The following STIM1 variants were observed in gnomAD, a reference collection of about 807,000 sequenced individuals.
STIM1 encodes the protein stromal interaction molecule 1.
STIM1 carries 25 observed loss-of-function variants against 74.7 expected under a neutral mutation model. The observed-to-expected ratio is 0.33, with a 90% CI of 0.24 to 0.47. The LOEUF is 0.47. STIM1 is among the 20% of genes least tolerant of loss of function. STIM1 has a pLI of 1.00. For missense variants in STIM1, 728 were observed against 920.8 expected, an observed-to-expected ratio of 0.79 and a Z score of 2.71; for synonymous variants, 328 against 348.8, an observed-to-expected ratio of 0.94 and a Z score of 0.66.
chr11:4,043,630 T>C (rs1171529604), intron 3 of STIM1, among the ~76,000 whole-genome samples: 3 of 152,242 alleles, frequency 2.0e-5, no homozygotes, highest in Non-Finnish European at 2.9e-5. Context: ...ATCTATCTAA[T>C]GTTAGTAAAT....
At chr11:3,866,429 C>CTT (rs375183049) in intron 1 of STIM1, among the ~76,000 whole-genome samples, 135 of 136,770 alleles carry the variant, frequency 9.9e-4, no homozygotes, top group South Asian at 4.5e-3. Context: ...CTTGCTATGT[C>CTT]TTTTTTTTTT....
In STIM1 at chr11:4,091,509, T is replaced by C. The variant is rs753563618; in HGVS notation, c.1862T>C (p.Leu621Pro). ...KKALLALNHGLDKAHSLMELS... is the reference protein window; with the variant it reads ...KKALLALNHGPDKAHSLMELS... Reference sequence around the variant, plus strand: ...GCATTACTGGCGCTGAACCATGGGCTGGACAAGGCCCACAGCCTGATGGAG... The same window carrying C: ...GCATTACTGGCGCTGAACCATGGGCCGGACAAGGCCCACAGCCTGATGGAG... Residue 621 changes from leucine to proline, a missense_variant, in exon 13 of 13, where the codon CTG becomes CCG. By Grantham distance (98) the Leu-to-Pro change is moderately conservative. Transcript: ENST00000526596. 1.2e-6 allele frequency: 2 copies of C among 1,614,188 alleles called. No individual in the cohort carries two copies. Among genetic ancestry groups the C allele is most frequent in the South Asian group, 2.2e-5 (2 of 91,082 alleles).
intron 1 of STIM1, among the ~76,000 whole-genome samples, chr11:3,868,829 C>T (rs7126870): frequency 0.55 from 83,418 of 152,030 alleles, 23,533 homozygotes; most frequent in African/African-American, 0.68. Flanking sequence ...TTTATCTCTT[C>T]AGTCAACATT....
rs1277696722 is a variant in STIM1 at position 4,055,512 on chromosome 11, G to C, written c.386-14G>C. 5.1e-6 allele frequency: 8 copies of C among 1,576,402 alleles called. No homozygotes were observed. The highest frequency in any genetic ancestry group is 6.9e-6 in the Non-Finnish European group (8 of 1,158,784). ...GCATTCTAGAGTCATGGCTTTGCTT[G>C]TCTCTTTTCACAGTATACAATTGGA... On this transcript the variant is annotated splice_polypyrimidine_tract_variant and intron_variant, in intron 3 of 12. Coordinates refer to ENST00000526596, the MANE Select transcript of STIM1 (RefSeq NM_001382567.1).
chr11:3,951,077 G>A (rs924458684), intron 1 of STIM1, among the ~76,000 whole-genome samples: 7 of 152,182 alleles, frequency 4.6e-5, no homozygotes, highest in Non-Finnish European at 8.8e-5. Flanking sequence ...TAGAGGTATC[G>A]CCCTCAGAAA....
intron 1 of STIM1, among the ~76,000 whole-genome samples, chr11:3,903,961 G>A (rs1307299346): frequency 6.6e-6 from 1 of 152,156 alleles, no homozygotes; most frequent in African/African-American, 2.4e-5. Flanking sequence ...CACTTTGGGA[G>A]GCTGAGGCGG....
chr11:3,980,116 C>T (rs1043997864), intron 2 of STIM1, among the ~76,000 whole-genome samples: 5 of 152,142 alleles, frequency 3.3e-5, no homozygotes, highest in Non-Finnish European at 7.3e-5. Flanking sequence ...CTTTGTGTTC[C>T]TGCACTAATA....
rs1439116217 is a variant in STIM1 at position 4,055,557 on chromosome 11, G to A, written c.417G>A (p.Gln139=). ...VYNWTVDEVV[Q]WLITYVELPQ... ...ATTGGACCGTGGATGAGGTGGTACA[G>A]TGGCTGATCACATATGTGGAGCTGC... is the stretch of plus-strand genomic sequence containing the variant. The change falls in exon 4 of 13, where the codon CAG becomes CAA. Residue 139 remains glutamine (Q), a synonymous_variant. Coordinates refer to ENST00000526596, the MANE Select transcript of STIM1 (RefSeq NM_001382567.1). 6.2e-7 allele frequency: 1 copy of A among 1,601,424 alleles called. No homozygotes were observed. The highest frequency in any genetic ancestry group is 1.1e-5 in the South Asian group (1 of 88,324).
At position 3,869,507 on chromosome 11, in the gene STIM1, T is replaced by G. The variant is rs977649836; in HGVS notation, c.139+13098T>G. Among the ~76,000 whole-genome samples the G allele has an allele frequency of 4.6e-5, 7 of 152,274 alleles. No homozygotes were observed. The East Asian group carries it at 1.2e-3, about 25-fold the overall frequency. On this transcript the variant is annotated intron_variant, in intron 1 of 12. Coordinates refer to ENST00000526596, the MANE Select transcript of STIM1 (RefSeq NM_001382567.1). ...TCTTCAGATACTTCAGGTAGAAATATAAGGGAATTTGTGGGAAGTATTCCA... is the reference window on the plus strand; with the variant it reads ...TCTTCAGATACTTCAGGTAGAAATAGAAGGGAATTTGTGGGAAGTATTCCA...
Position 3,858,214 on chromosome 11 carries a change from T to C in STIM1, c.139+1805T>C, listed in dbSNP as rs1425112147. Among the ~76,000 whole-genome samples, 3 of 152,174 alleles carry C rather than the reference T, an allele frequency of 2.0e-5. No individual in the cohort carries two copies. In the East Asian group the frequency reaches 5.8e-4, roughly 29 times the overall value. On this transcript the variant is annotated intron_variant, in intron 1 of 12. Coordinates refer to ENST00000526596, the MANE Select transcript of STIM1 (RefSeq NM_001382567.1). ...AGGGATGAAATTTTGAATGTAGACA[T>C]TGGCTGGCTATTAGGAAGGTTTTTT...
chr11:4,083,391 T>C lies in STIM1; in HGVS notation c.1367T>C (p.Ile456Thr), dbSNP rs371655991. The change falls in exon 10 of 13, where the codon ATA becomes ACA. Residue 456 changes from isoleucine (I) to threonine (T), a missense_variant. Transcript: ENST00000526596. ...CACTCACTGGTGGCTGCCCTCAACA[T>C]AGACCCCAGCTGGATGGGCAGTACA... ...GIHSLVAALN[I>T]DPSWMGSTRP... 3 of 1,614,246 alleles carry C rather than the reference T, an allele frequency of 1.9e-6. No homozygotes were observed. Among genetic ancestry groups the C allele is most frequent in the Non-Finnish European group, 2.5e-6 (3 of 1,180,048 alleles).
chr11:3,922,940 A>G (rs777174749), intron 1 of STIM1, among the ~76,000 whole-genome samples: 2 of 152,016 alleles, frequency 1.3e-5, no homozygotes, highest in Non-Finnish European at 2.9e-5. Flanking sequence ...TCTACTAAAA[A>G]TACAAAAAAT....
chr11:3,884,481 C>T (rs1274630085), intron 1 of STIM1, among the ~76,000 whole-genome samples: 2 of 152,150 alleles, frequency 1.3e-5, no homozygotes, highest in African/African-American at 2.4e-5. Context: ...GCCTGGGACA[C>T]TGACTTATGC....
chr11:3,999,947 C>T (rs372961556), intron 2 of STIM1, among the ~76,000 whole-genome samples: 14 of 152,252 alleles, frequency 9.2e-5, no homozygotes, highest in South Asian at 6.2e-4. Context: ...GCACCTGGCT[C>T]GGAGGGTCCT....
chr11:3,966,049 C>A (rs907102081), intron 1 of STIM1, among the ~76,000 whole-genome samples: 3 of 152,008 alleles, frequency 2.0e-5, no homozygotes, highest in Admixed American at 6.6e-5. Flanking sequence ...AAAAAAACCC[C>A]ATTTCTTCAA....
intron 1 of STIM1, among the ~76,000 whole-genome samples, chr11:3,873,808 G>C (rs2091218769): frequency 6.6e-6 from 1 of 152,146 alleles, no homozygotes; most frequent in Non-Finnish European, 1.5e-5. Flanking sequence ...TGTACTCTTA[G>C]CCAGAAGTCA....
intron 1 of STIM1, among the ~76,000 whole-genome samples, chr11:3,937,847 A>G (rs1565121489): frequency 1.3e-5 from 2 of 151,986 alleles, no homozygotes; most frequent in East Asian, 3.9e-4. Flanking sequence ...AGCTTGGGAC[A>G]TCCCTTCAGC....
At chr11:3,862,910 G>C (rs1174243503) in intron 1 of STIM1, among the ~76,000 whole-genome samples, 1 of 151,736 alleles carries the variant, frequency 6.6e-6, no homozygotes, top group Non-Finnish European at 1.5e-5. Context: ...ATATTTTTTT[G>C]AGGTAGAGTT....
rs904010690 is a variant in STIM1 at position 4,082,738 on chromosome 11, C to G, written c.1138-144C>G. The G allele has an allele frequency of 5.7e-6, 4 of 702,586 alleles. No individual in the cohort carries two copies. The African/African-American group carries it at 7.2e-5, about 13-fold the overall frequency. The allele number at this position is 702,586 out of a possible 1,614,324, so 43.5% of individuals were successfully genotyped here. On this transcript the variant is annotated intron_variant, in intron 8 of 12. Transcript: ENST00000526596. ...TTTTTCTTCTACCTTGCCTGCCTTT[C>G]TCTTTTTCCTCTTTCTCTTCCCTTT...
Sources: gnomAD v4.1 joint callset for allele counts (sites outside exome capture counted in the v4.1 genomes callset) on GRCh38, gnomAD v4.1.1 for gene constraint, MANE v1.5 for transcripts, NCBI Gene and HGNC (gene_info 2026-07-23, HGNC 2026-07-21) for gene names.